The following PROSER2 variants were observed in gnomAD, a reference collection of about 807,000 sequenced individuals.
PROSER2 encodes the protein proline and serine-rich protein 2.
In PROSER2, 18 loss-of-function variants were observed where a neutral mutation model predicts 14.6. That is an observed-to-expected ratio of 1.23 (90% CI 0.85 to 1.83). PROSER2 has a LOEUF of 1.83. Ranked by LOEUF, PROSER2 falls within the 40% of genes most tolerant of loss-of-function variation. The probability of loss-of-function intolerance (pLI) is 0.00; values close to 1 mark genes in which losing one functional copy is unlikely to be tolerated. For missense variants in PROSER2, 823 were observed against 629.8 expected (o/e 1.31, Z -3.28); for synonymous variants, 367 against 286.4 (o/e 1.28, Z -2.84).
rs563840694 is a variant in PROSER2, at chr10:11,830,283, A to T, written c.-82+6813A>T. 6.6e-6 allele frequency among the ~76,000 whole-genome samples: 1 copy of T among 152,196 alleles called. No homozygotes were observed. The highest frequency in any genetic ancestry group is 2.4e-5 in the African/African-American group (1 of 41,512). ...CACTTGTGAGAACATGCAGTGTTTGACTTTCAGAGTTAGAGTTTGACTTTC... is the reference window on the plus strand; with the variant it reads ...CACTTGTGAGAACATGCAGTGTTTGTCTTTCAGAGTTAGAGTTTGACTTTC... On this transcript the variant is annotated intron_variant, in intron 1 of 3. Coordinates refer to ENST00000277570, the MANE Select transcript of PROSER2 (RefSeq NM_153256.4). This position sits in a 1 kb window ranked among gnomAD's most constrained non-coding sequence, Gnocchi z 4.5.
intron 1 of PROSER2, among the ~76,000 whole-genome samples, chr10:11,827,350 C>G (rs1273551189): frequency 6.6e-6 from 1 of 151,782 alleles, no homozygotes; most frequent in Non-Finnish European, 1.5e-5. Context: ...GAACTCGATT[C>G]TCTTTTTGTG....
At chr10:11,840,654 C>T (rs527893938) in intron 1 of PROSER2, among the ~76,000 whole-genome samples, 50 of 151,916 alleles carry the variant, frequency 3.3e-4, no homozygotes, top group African/African-American at 9.2e-4. Context: ...GGGCCAGGCG[C>T]GGTGGCTCAT....
chr10:11,856,444 G>A lies in PROSER2; in HGVS notation c.138+4229G>A, dbSNP rs1305017797. 2.0e-5 allele frequency among the ~76,000 whole-genome samples: 3 copies of A among 152,218 alleles called. No homozygotes were observed. Among genetic ancestry groups the A allele is most frequent in the Non-Finnish European group, 4.4e-5 (3 of 68,038 alleles). ...CCTCTAGAAGAAATAGGATTTGGCT[G>A]CTCGGAAAGGGCGGAGAGCTCTGCA... On this transcript the variant is annotated intron_variant, in intron 2 of 3. Coordinates refer to ENST00000277570, the MANE Select transcript of PROSER2 (RefSeq NM_153256.4). This position sits in a 1 kb window ranked among gnomAD's most constrained non-coding sequence, Gnocchi z 5.3.
chr10:11,860,291 C>A (rs1051690477), intron 2 of PROSER2, among the ~76,000 whole-genome samples: 5 of 152,124 alleles, frequency 3.3e-5, no homozygotes, highest in Non-Finnish European at 5.9e-5. Context: ...CTTCCAGGAC[C>A]TGGGAAGCTG....
At chr10:11,867,740 G>A (rs576365459) in intron 3 of PROSER2, among the ~76,000 whole-genome samples, 2 of 152,322 alleles carry the variant, frequency 1.3e-5, no homozygotes, top group South Asian at 4.1e-4. Flanking sequence ...CACCACTCAC[G>A]TCCTGCTGTG....
At chr10:11,844,557 CT>C (rs1231500766) in intron 1 of PROSER2, among the ~76,000 whole-genome samples, 1 of 152,164 alleles carries the variant, frequency 6.6e-6, no homozygotes, top group East Asian at 1.9e-4. Flanking sequence ...TAGTCCTAGA[CT>C]TTGCATTTTT....
At chr10:11,844,912 A>G (rs968478099) in intron 1 of PROSER2, among the ~76,000 whole-genome samples, 2 of 151,888 alleles carry the variant, frequency 1.3e-5, no homozygotes, top group Admixed American at 1.3e-4. Flanking sequence ...ATAAGCCACC[A>G]CTCCCAGCCT....
At position 11,870,426 on chromosome 10, in the gene PROSER2, C is replaced by G. The variant is rs568187783; in HGVS notation, c.*20C>G. 4.8e-6 allele frequency: 7 copies of G among 1,455,630 alleles called. No homozygotes were observed. The highest frequency in any genetic ancestry group is 6.3e-6 in the Non-Finnish European group (7 of 1,106,786). 90.2% of individuals were successfully genotyped at this position (1,455,630 alleles called of 1,614,324 possible). On this transcript the variant is annotated 3_prime_UTR_variant, in exon 4 of 4. Coordinates refer to ENST00000277570, the MANE Select transcript of PROSER2 (RefSeq NM_153256.4). ...TCGTGAGGGCCGCGCGGGCTCCAGT[C>G]CACCCCGTTTCTCCCCACCCTGAAG...
At chr10:11,848,366 G>A (rs1886384) in intron 1 of PROSER2, among the ~76,000 whole-genome samples, 1 of 151,838 alleles carries the variant, frequency 6.6e-6, no homozygotes, top group Non-Finnish European at 1.5e-5. Flanking sequence ...ACGGGGTTTC[G>A]CCATGTTGGC....
chr10:11,860,078 G>A (rs539393447), intron 2 of PROSER2, among the ~76,000 whole-genome samples: 113 of 152,302 alleles, frequency 7.4e-4, no homozygotes, highest in Non-Finnish European at 1.2e-3. Context: ...AGGCAGATCC[G>A]GGTTCACTGT....
chr10:11,864,449 C>T (rs1834304583), intron 2 of PROSER2, among the ~76,000 whole-genome samples: 1 of 152,148 alleles, frequency 6.6e-6, no homozygotes. Context: ...ACAACACACG[C>T]ACACTTTATT....
Position 11,838,517 on chromosome 10 carries a change from C to G in PROSER2, c.-81-13480C>G, listed in dbSNP as rs1833793502. 6.6e-6 allele frequency among the ~76,000 whole-genome samples: 1 copy of G among 152,216 alleles called. No homozygotes were observed. ...TCCACATGTTCCTAGTAGACAGCTC[C>G]CCTGGAGTGAAGGCTGAGCAGTGGA... is the stretch of plus-strand genomic sequence containing the variant. On this transcript the variant is annotated intron_variant, in intron 1 of 3. Coordinates refer to ENST00000277570, the MANE Select transcript of PROSER2 (RefSeq NM_153256.4). The surrounding 1 kb of genome is among the most constrained non-coding windows in gnomAD (Gnocchi z 4.4).
At chr10:11,858,711 G>A (rs1347972682) in intron 2 of PROSER2, among the ~76,000 whole-genome samples, 1 of 152,084 alleles carries the variant, frequency 6.6e-6, no homozygotes, top group South Asian at 2.1e-4. Context: ...AGCATGGTAG[G>A]ATAGAATGTG....
chr10:11,840,940 AAAAAAAAAAAAAAAAATATATATAT>A (rs1297551759), intron 1 of PROSER2, among the ~76,000 whole-genome samples: 80 of 68,008 alleles, frequency 1.2e-3, no homozygotes, highest in African/African-American at 4.8e-3. Flanking sequence ...AAAAAAAAAA[AAAAAAAAAAAAAAAAATATATATAT>A]ATATATATAT....
chr10:11,845,702 G>C (rs537780145), intron 1 of PROSER2, among the ~76,000 whole-genome samples: 35 of 152,266 alleles, frequency 2.3e-4, no homozygotes, highest in African/African-American at 8.2e-4. Flanking sequence ...GAAGGGCAGA[G>C]GCTGGGGTCC....
chr10:11,848,043 C>T (rs1360503589), intron 1 of PROSER2, among the ~76,000 whole-genome samples: 1 of 152,182 alleles, frequency 6.6e-6, no homozygotes, highest in Non-Finnish European at 1.5e-5. Context: ...TTTCTCTTCC[C>T]AGAGTCAGCC....
intron 1 of PROSER2, among the ~76,000 whole-genome samples, chr10:11,834,709 T>A (rs967672304): frequency 6.6e-6 from 1 of 152,122 alleles, no homozygotes; most frequent in African/African-American, 2.4e-5. Flanking sequence ...CACTCCAGTC[T>A]GGGTGACAGA....
At chr10:11,853,877 C>T in intron 2 of PROSER2, among the ~76,000 whole-genome samples, 1 of 152,144 alleles carries the variant, frequency 6.6e-6, no homozygotes, top group Non-Finnish European at 1.5e-5. Context: ...TAAAGGATTC[C>T]TGTTCTACCC....
rs755729747 is a variant in PROSER2 at position 11,852,220 on chromosome 10, G to A, written c.138+5G>A. The stretch of plus-strand genomic sequence containing the variant: ...CGCTCCAGAAGCTTCACTTTGGTGA[G>A]TGACAGTTTTTCTTTCATGCTTTCC... On this transcript the variant is annotated splice_donor_5th_base_variant and intron_variant, in intron 2 of 3. Transcript: ENST00000277570. 29 of 1,598,206 alleles carry A rather than the reference G, an allele frequency of 1.8e-5. No homozygotes were observed. The highest frequency in any genetic ancestry group is 2.3e-5 in the Non-Finnish European group (27 of 1,170,274).
Sources: allele counts gnomAD v4.1 joint callset (sites outside exome capture counted in the v4.1 genomes callset), GRCh38; gene constraint gnomAD v4.1.1; non-coding constraint Gnocchi (gnomAD v3.1); transcripts MANE v1.5; gene names NCBI Gene and HGNC (gene_info 2026-07-23, HGNC 2026-07-21).